PLCL1: variants seen among roughly 807,000 people sequenced by gnomAD.
The protein encoded by PLCL1 is inactive phospholipase C-like protein 1.
Under a neutral mutation model 84.4 loss-of-function variants are expected in PLCL1, and 41 were observed. The observed-to-expected ratio is 0.49, with a 90% CI of 0.38 to 0.63. The LOEUF is 0.63. Among genes scored for constraint, PLCL1 ranks in the 30% least tolerant of loss-of-function variants. The pLI is 0.00. For missense variants in PLCL1, 1,206 were observed against 1,367.8 expected (o/e 0.88, Z 1.87); for synonymous variants, 490 against 488.3 (o/e 1.00, Z -0.05).
In PLCL1 at chr2:198,010,598, A is replaced by ATAT. The variant is rs1281542843; in HGVS notation, c.241-73158_241-73156dup. On this transcript the variant is annotated intron_variant, in intron 1 of 5. Transcript: ENST00000428675. ...GTTTTTGCATCAGTATTCATCAGACATATTGGTCTACAGTTTTTTTTGTGT... is the reference window on the plus strand; with the variant it reads ...GTTTTTGCATCAGTATTCATCAGACATATTATTGGTCTACAGTTTTTTTTGTGT... Among the ~76,000 whole-genome samples the ATAT allele has an allele frequency of 5.9e-5, 9 of 152,044 alleles. No homozygotes were observed. In the East Asian group the frequency reaches 1.2e-3, roughly 20 times the overall value.
At chr2:197,900,178 G>A (rs1455176732) in intron 1 of PLCL1, among the ~76,000 whole-genome samples, 1 of 152,198 alleles carries the variant, frequency 6.6e-6, no homozygotes, top group Non-Finnish European at 1.5e-5. Flanking sequence ...GATCACTGCT[G>A]TATTTCCAGC....
At chr2:198,097,727 G>A (rs562052189) in intron 3 of PLCL1, among the ~76,000 whole-genome samples, 274 of 152,274 alleles carry the variant, frequency 1.8e-3, no homozygotes, top group Middle Eastern at 3.4e-3. Flanking sequence ...CTTGCTGTGT[G>A]CAAGTTCACT....
chr2:197,808,193 G>A (rs1690519297), intron 1 of PLCL1, among the ~76,000 whole-genome samples: 1 of 152,098 alleles, frequency 6.6e-6, no homozygotes, highest in Non-Finnish European at 1.5e-5. Context: ...CAACAGCATT[G>A]ACATTGATAA....
intron 1 of PLCL1, among the ~76,000 whole-genome samples, chr2:197,901,407 T>A (rs1005715067): frequency 6.6e-6 from 1 of 152,164 alleles, no homozygotes; most frequent in Non-Finnish European, 1.5e-5. Context: ...GACAAAGGGA[T>A]CACTACCAGT....
chr2:197,853,364 G>GT (rs1687274304), intron 1 of PLCL1, among the ~76,000 whole-genome samples: 2 of 152,146 alleles, frequency 1.3e-5, no homozygotes, highest in African/African-American at 4.8e-5. Flanking sequence ...CCTGCTTTCA[G>GT]TTTTTTGGGT....
rs191323962 is a variant in PLCL1, at chr2:198,042,887, G to T, written c.241-40871G>T. Among the ~76,000 whole-genome samples, 11 of 152,292 alleles carry T rather than the reference G, an allele frequency of 7.2e-5. No homozygotes were observed. In the East Asian group the frequency reaches 2.1e-3, roughly 29 times the overall value. ...AGACAGAGAAAGGAGATAATACGGG[G>T]TTGGTACAGGGATGAATATGTCATC... On this transcript the variant is annotated intron_variant, in intron 1 of 5. Coordinates refer to ENST00000428675, the MANE Select transcript of PLCL1 (RefSeq NM_006226.4).
chr2:197,986,151 A>G (rs1344676429), intron 1 of PLCL1, among the ~76,000 whole-genome samples: 1 of 152,230 alleles, frequency 6.6e-6, no homozygotes, highest in African/African-American at 2.4e-5. Flanking sequence ...AGTTATTCTT[A>G]AAAGGTCTTT....
At chr2:197,935,342 A>G (rs2105769129) in intron 1 of PLCL1, among the ~76,000 whole-genome samples, 1 of 152,356 alleles carries the variant, frequency 6.6e-6, no homozygotes, top group South Asian at 2.1e-4. Context: ...ACAATAGCAA[A>G]GACATGGAAT....
At chr2:198,061,502 A>G (rs1302748904) in intron 1 of PLCL1, among the ~76,000 whole-genome samples, 1 of 152,116 alleles carries the variant, frequency 6.6e-6, no homozygotes, top group Admixed American at 6.5e-5. Context: ...AGGGAAGGGG[A>G]ACTAGAGAAG....
chr2:198,111,516 T>A (rs1693621130), intron 5 of PLCL1, among the ~76,000 whole-genome samples: 1 of 151,912 alleles, frequency 6.6e-6, no homozygotes, highest in Non-Finnish European at 1.5e-5. Flanking sequence ...TGAGTAAATA[T>A]ATATAAAGCA....
At chr2:197,888,843 G>A (rs1017772481) in intron 1 of PLCL1, among the ~76,000 whole-genome samples, 3 of 151,738 alleles carry the variant, frequency 2.0e-5, no homozygotes, top group African/African-American at 7.3e-5. Context: ...TTCTAATATT[G>A]GAATTAGAAA....
chr2:198,085,380 C>T lies in PLCL1; in HGVS notation c.1863C>T (p.Ser621=). ...GTTCATTTAGTGAAACAGAGGCCAG[C>T]CGCATTGCAAATGAGTACCCAGAGG... ...EMCSFSETEA[S]RIANEYPEDF... Residue 621 remains serine, a synonymous_variant, in exon 2 of 6, where the codon AGC becomes AGT. Coordinates refer to ENST00000428675, the MANE Select transcript of PLCL1 (RefSeq NM_006226.4). The surrounding 1 kb of genome is among the most constrained non-coding windows in gnomAD (Gnocchi z 5.3). 6.2e-7 allele frequency: 1 copy of T among 1,611,564 alleles called. No homozygotes were observed. Among genetic ancestry groups the T allele is most frequent in the Non-Finnish European group, 8.5e-7 (1 of 1,178,040 alleles).
At chr2:197,915,262 C>T (rs770410959) in intron 1 of PLCL1, among the ~76,000 whole-genome samples, 2 of 152,126 alleles carry the variant, frequency 1.3e-5, no homozygotes, top group Non-Finnish European at 1.5e-5. Flanking sequence ...CAAGGATCAA[C>T]CAGTAAAAGA....
chr2:197,918,969 C>CACA lies in PLCL1; in HGVS notation c.240+113630_240+113631insACA, dbSNP rs1369678298. Among the ~76,000 whole-genome samples, 210 of 146,830 alleles carry CACA rather than the reference C, an allele frequency of 1.4e-3. 1 individual carries two copies. Among genetic ancestry groups the CACA allele is most frequent in the Middle Eastern group, 3.4e-3 (1 of 290 alleles). On this transcript the variant is annotated intron_variant, in intron 1 of 5. Coordinates refer to ENST00000428675, the MANE Select transcript of PLCL1 (RefSeq NM_006226.4). ...CTCTCTCTCTCTCTCTCTCTCTCTC[C>CACA]CTCACACACACACATACACACACAA...
At chr2:197,878,301 C>T (rs918030777) in intron 1 of PLCL1, among the ~76,000 whole-genome samples, 2 of 152,062 alleles carry the variant, frequency 1.3e-5, no homozygotes, top group Admixed American at 1.3e-4. Context: ...TTTGCTTGTA[C>T]CACATCACAG....
chr2:198,080,902 G>A (rs547084552), intron 1 of PLCL1, among the ~76,000 whole-genome samples: 1 of 152,294 alleles, frequency 6.6e-6, no homozygotes, highest in Non-Finnish European at 1.5e-5. Context: ...AGCATTATGG[G>A]CAGGTGGATT....
Position 198,024,005 on chromosome 2 carries a change from C to T in PLCL1, c.241-59753C>T, listed in dbSNP as rs557755325. 5.3e-5 allele frequency among the ~76,000 whole-genome samples: 8 copies of T among 152,258 alleles called. No homozygotes were observed. The East Asian group carries it at 9.6e-4, about 18-fold the overall frequency. ...AAGACTTGGAACTAACCCAAATGCC[C>T]ATCAATGTTAGATTGGATAAAGAAA... On this transcript the variant is annotated intron_variant, in intron 1 of 5. Coordinates refer to ENST00000428675, the MANE Select transcript of PLCL1 (RefSeq NM_006226.4).
chr2:197,847,226 C>A (rs1687135630), intron 1 of PLCL1, among the ~76,000 whole-genome samples: 1 of 152,100 alleles, frequency 6.6e-6, no homozygotes, highest in Non-Finnish European at 1.5e-5. Context: ...TAAACCTATG[C>A]AACCTTCAAG....
chr2:197,838,366 A>G (rs868255041), intron 1 of PLCL1, among the ~76,000 whole-genome samples: 2 of 152,252 alleles, frequency 1.3e-5, no homozygotes, highest in Non-Finnish European at 1.5e-5. Context: ...GAATCATAAG[A>G]GTTCTAAATG....
Sources: allele counts gnomAD v4.1 joint callset (sites outside exome capture counted in the v4.1 genomes callset), GRCh38; gene constraint gnomAD v4.1.1; non-coding constraint Gnocchi (gnomAD v3.1); transcripts MANE v1.5; gene names NCBI Gene and HGNC (gene_info 2026-07-23, HGNC 2026-07-21).